The following ANKRD31 variants were observed in gnomAD, a reference collection of about 807,000 sequenced individuals.
ANKRD31 encodes ankyrin repeat domain-containing protein 31.
In ANKRD31, 147 loss-of-function variants were observed where a neutral mutation model predicts 186.0. The observed-to-expected ratio is 0.79, with a 90% CI of 0.69 to 0.91. The LOEUF is 0.91. ANKRD31 is among the 40% of genes least tolerant of loss of function. ANKRD31 has a pLI of 0.00. For missense variants in ANKRD31, 1,986 were observed against 2,148.8 expected (o/e 0.92, Z 1.50); for synonymous variants, 673 against 736.4 (o/e 0.91, Z 1.39).
At chr5:75,131,377 C>A (rs543448104) in intron 17 of ANKRD31, among the ~76,000 whole-genome samples, 1 of 152,274 alleles carries the variant, frequency 6.6e-6, no homozygotes, top group African/African-American at 2.4e-5. Context: ...GTGCATGGGT[C>A]AGAGGGTCCC....
intron 10 of ANKRD31, among the ~76,000 whole-genome samples, chr5:75,171,399 A>G (rs1276778857): frequency 6.6e-6 from 1 of 152,010 alleles, no homozygotes; most frequent in Non-Finnish European, 1.5e-5. Context: ...ATGAGAAATT[A>G]AAAATATTTC....
chr5:75,184,726 A>C (rs1239907813), intron 10 of ANKRD31, among the ~76,000 whole-genome samples: 3 of 152,126 alleles, frequency 2.0e-5, no homozygotes, highest in African/African-American at 7.2e-5. Flanking sequence ...AGTGTTGATG[A>C]GGATGTGGAG....
Position 75,199,673 on chromosome 5 carries a change from C to T in ANKRD31, c.405G>A (p.Gly135=). The part of the protein sequence containing the change: ...GLSLNHQNIE[G]PEAESPEVLP... ...AAACTTCAGGACTTTCAGCCTCTGG[C>T]CCTAGAAAAAAACAATGTGTTTTCA... Residue 135 remains glycine, a splice_region_variant and synonymous_variant, in exon 6 of 26, where the codon GGG becomes GGA. Coordinates refer to ENST00000506364, the MANE Select transcript of ANKRD31 (RefSeq NM_001372053.1). The T allele has an allele frequency of 1.3e-6, 2 of 1,531,800 alleles. No individual in the cohort carries two copies. Among genetic ancestry groups the T allele is most frequent in the Non-Finnish European group, 1.7e-6 (2 of 1,144,018 alleles). The allele number at this position is 1,531,800 out of a possible 1,614,324, so 94.9% of individuals were successfully genotyped here. A position where few individuals can be genotyped will look rare whatever the true frequency, so the allele number is the denominator to read the frequency against.
chr5:75,080,727 G>A, intron 24 of ANKRD31, 88 bp from the exon 25 acceptor site: 7 of 685,070 alleles, frequency 1.0e-5, no homozygotes, highest in South Asian at 2.9e-5. Flanking sequence ...CCTACCGATG[G>A]GAAATACAAA....
At position 75,151,945 on chromosome 5, in the gene ANKRD31, T is replaced by C. The variant is rs549750195; in HGVS notation, c.1852+2256A>G. 8.5e-5 allele frequency among the ~76,000 whole-genome samples: 13 copies of C among 152,166 alleles called. No individual in the cohort carries two copies. The South Asian group carries it at 2.7e-3, about 32-fold the overall frequency. On this transcript the variant is annotated intron_variant, in intron 12 of 25. Coordinates refer to ENST00000506364, the MANE Select transcript of ANKRD31 (RefSeq NM_001372053.1). The stretch of plus-strand genomic sequence containing the variant: ...CTTGTATTATCAGGCTTTGGCACTA[T>C]TTAGTGTTTGATACATAGCAACCCT...
At position 75,193,006 on chromosome 5, in the gene ANKRD31, T is replaced by C. The variant is rs147855002; in HGVS notation, c.1299-230A>G. 6.0e-4 allele frequency among the ~76,000 whole-genome samples: 91 copies of C among 152,274 alleles called. 1 individual carries two copies. Among genetic ancestry groups the C allele is most frequent in the African/African-American group, 2.1e-3 (86 of 41,572 alleles). On this transcript the variant is annotated intron_variant, in intron 8 of 25. Coordinates refer to ENST00000506364, the MANE Select transcript of ANKRD31 (RefSeq NM_001372053.1). ...TCTTTGCGCGACCTGTGGGTTTCTC[T>C]TCTTTAGGATTAGTCATCTACAAGT...
At chr5:75,098,793 C>A (rs1436764092) in intron 22 of ANKRD31, among the ~76,000 whole-genome samples, 1 of 152,184 alleles carries the variant, frequency 6.6e-6, no homozygotes, top group Admixed American at 6.5e-5. Flanking sequence ...TATCCTGAGA[C>A]TTTGCTGAAG....
At chr5:75,123,247 G>A (rs1748939467) in intron 17 of ANKRD31, among the ~76,000 whole-genome samples, 1 of 151,732 alleles carries the variant, frequency 6.6e-6, no homozygotes, top group African/African-American at 2.4e-5. Flanking sequence ...TAACCAAGGA[G>A]GTGAAAGAAA....
chr5:75,234,829 T>TCTG (rs1187514157), intron 1 of ANKRD31, among the ~76,000 whole-genome samples: 1 of 107,958 alleles, frequency 9.3e-6, no homozygotes, highest in African/African-American at 6.9e-5. Flanking sequence ...TGTAATACTT[T>TCTG]TTGGTTTTTT....
chr5:75,099,317 G>A (rs368317378), intron 22 of ANKRD31, among the ~76,000 whole-genome samples: 1 of 152,132 alleles, frequency 6.6e-6, no homozygotes, highest in Admixed American at 6.5e-5. Context: ...TTGATGTGCT[G>A]CTGGATTCAG....
intron 25 of ANKRD31, 121 bp from the exon 26 acceptor site, chr5:75,068,785 G>A: frequency 2.0e-6 from 2 of 985,784 alleles, no homozygotes; most frequent in Admixed American, 3.8e-5. Context: ...CAGGTTTTCT[G>A]ATCAGGACCT....
intron 19 of ANKRD31, among the ~76,000 whole-genome samples, chr5:75,116,260 G>T (rs1407620948): frequency 8.5e-6 from 1 of 117,518 alleles, no homozygotes; most frequent in Non-Finnish European, 1.7e-5. Flanking sequence ...GGACTGTTGT[G>T]GGGTGGGGGG....
At chr5:75,230,323 T>C (rs2150320888) in intron 2 of ANKRD31, among the ~76,000 whole-genome samples, 1 of 152,330 alleles carries the variant, frequency 6.6e-6, no homozygotes, top group South Asian at 2.1e-4. Context: ...CTCACATTTA[T>C]TTCAATGTTT....
intron 11 of ANKRD31, among the ~76,000 whole-genome samples, chr5:75,165,993 A>G (rs73131031): frequency 0.037 from 5,581 of 152,304 alleles, 193 homozygotes; most frequent in African/African-American, 0.088. Flanking sequence ...AGGTGAAATG[A>G]TATCGCGAGT....
At position 75,162,111 on chromosome 5, in the gene ANKRD31, G is replaced by A. The variant is rs369813300; in HGVS notation, c.1707+6868C>T. Among the ~76,000 whole-genome samples the A allele has an allele frequency of 1.5e-3, 232 of 152,282 alleles. 11 individuals are homozygous for A. The South Asian group carries it at 0.047, about 31-fold the overall frequency. On this transcript the variant is annotated intron_variant, in intron 11 of 25. Coordinates refer to ENST00000506364, the MANE Select transcript of ANKRD31 (RefSeq NM_001372053.1). ...GCCACTGTCCTCCAGACCCCAGAAT[G>A]GTAGATCCACTGACAGTTTGCACCA...
intron 5 of ANKRD31, among the ~76,000 whole-genome samples, 192 bp from the exon 6 acceptor site, chr5:75,199,866 T>G (rs1755702266): frequency 6.6e-6 from 1 of 152,180 alleles, no homozygotes; most frequent in African/African-American, 2.4e-5. Context: ...ATTCTTGCAT[T>G]TCTTAAAAAA....
intron 12 of ANKRD31, among the ~76,000 whole-genome samples, chr5:75,149,080 C>T (rs1751682825): frequency 6.6e-6 from 1 of 151,808 alleles, no homozygotes; most frequent in African/African-American, 2.4e-5. Flanking sequence ...AAAACATACA[C>T]AGATGGAAAA....
intron 18 of ANKRD31, among the ~76,000 whole-genome samples, chr5:75,117,164 G>A (rs1041104638): frequency 3.3e-5 from 5 of 151,986 alleles, no homozygotes; most frequent in African/African-American, 9.7e-5. Flanking sequence ...ATCCTTTGGG[G>A]TACCTGATCA....
chr5:75,212,795 A>T (rs1452284871), intron 3 of ANKRD31, among the ~76,000 whole-genome samples: 1 of 152,216 alleles, frequency 6.6e-6, no homozygotes, highest in African/African-American at 2.4e-5. Context: ...TGTTGTCAGC[A>T]TCTAAGAGCT....
Sources: gnomAD v4.1 joint callset for allele counts (sites outside exome capture counted in the v4.1 genomes callset) on GRCh38, gnomAD v4.1.1 for gene constraint, MANE v1.5 for transcripts, NCBI Gene and HGNC (gene_info 2026-07-23, HGNC 2026-07-21) for gene names.